The following FAM149A variants were observed in gnomAD, a reference collection of about 807,000 sequenced individuals.
FAM149A encodes the protein protein FAM149A.
Under a neutral mutation model 78.2 loss-of-function variants are expected in FAM149A, and 71 were observed. The ratio of observed to expected loss-of-function variants is 0.91; its 90% CI spans 0.75 to 1.11. The LOEUF is 1.11. FAM149A is among the 50% of genes least tolerant of loss of function. The probability of loss-of-function intolerance (pLI) is 0.00; values close to 1 mark genes in which losing one functional copy is unlikely to be tolerated. For missense variants in FAM149A, 1,036 were observed against 971.0 expected (o/e 1.07, Z -0.89); for synonymous variants, 446 against 410.5 (o/e 1.09, Z -1.04).
intron 3 of FAM149A, chr4:186,150,944 ACTC>A (rs1444695693): frequency 1.5e-6 from 1 of 688,374 alleles, no homozygotes; most frequent in Non-Finnish European, 1.8e-6. Flanking sequence ...CTGGTTTCGA[ACTC>A]CTGACGTTGT....
chr4:186,159,197 A>T (rs1734313577), intron 8 of FAM149A, among the ~76,000 whole-genome samples: 1 of 152,130 alleles, frequency 6.6e-6, no homozygotes, highest in Admixed American at 6.6e-5. Flanking sequence ...TCCTAGTGAT[A>T]CAAAAGCCGT....
chr4:186,169,614 A>G (rs1735363430), intron 13 of FAM149A: 1 of 985,336 alleles, frequency 1.0e-6, no homozygotes, highest in South Asian at 4.7e-5. Context: ...ACGATCTAAT[A>G]GGACATTCAG....
chr4:186,116,456 T>C (rs1422226542), intron 1 of FAM149A: 4 of 984,644 alleles, frequency 4.1e-6, no homozygotes, highest in East Asian at 2.3e-4. Flanking sequence ...ATATGACCAT[T>C]ACTGTCATTA....
chr4:186,130,379 G>A (rs1030890477), intron 1 of FAM149A, among the ~76,000 whole-genome samples: 2 of 149,348 alleles, frequency 1.3e-5, no homozygotes, highest in East Asian at 2.0e-4. Context: ...AACAGTAATT[G>A]TGTATAATTG....
intron 1 of FAM149A, among the ~76,000 whole-genome samples, chr4:186,137,021 A>ACTC (rs1554068550): frequency 3.1e-4 from 29 of 93,766 alleles, no homozygotes; most frequent in East Asian, 4.8e-4. Flanking sequence ...TCTCTCTCTA[A>ACTC]GTGCTTAAAG....
intron 1 of FAM149A, chr4:186,118,158 A>G (rs1274521697): frequency 2.0e-6 from 2 of 985,308 alleles, no homozygotes; most frequent in African/African-American, 1.7e-5. Context: ...GTTGGTGAAC[A>G]CACACAGTGA....
chr4:186,169,354 C>G, intron 13 of FAM149A: 1 of 985,406 alleles, frequency 1.0e-6, no homozygotes. Flanking sequence ...GGCTCAAAGG[C>G]GTGACCTGTG....
At chr4:186,160,175 CCAAA>C (rs1386856103) in intron 8 of FAM149A, among the ~76,000 whole-genome samples, 2 of 143,778 alleles carry the variant, frequency 1.4e-5, no homozygotes, top group South Asian at 2.3e-4. Flanking sequence ...ACACCACACA[CCAAA>C]CACATACCAC....
chr4:186,153,927 T>G (rs748391578), intron 5 of FAM149A, among the ~76,000 whole-genome samples, 157 bp downstream of exon 5: 2 of 152,226 alleles, frequency 1.3e-5, no homozygotes, highest in Admixed American at 1.3e-4. Flanking sequence ...TAAGAAGCTT[T>G]TGATTCTGAA....
chr4:186,160,567 A>C (rs114871367), intron 8 of FAM149A, among the ~76,000 whole-genome samples: 4,561 of 148,668 alleles, frequency 0.031, 112 homozygotes, highest in Non-Finnish European at 0.041. Flanking sequence ...CACACATACC[A>C]CACACACCAC....
At chr4:186,133,295 C>A in intron 1 of FAM149A, 1 of 701,126 alleles carries the variant, frequency 1.4e-6, no homozygotes, top group Non-Finnish European at 1.8e-6. Flanking sequence ...CCACCGCCAT[C>A]CATCTCCAGA....
At chr4:186,169,340 A>G (rs1013736223) in intron 13 of FAM149A, 3 of 985,438 alleles carry the variant, frequency 3.0e-6, no homozygotes, top group Non-Finnish European at 3.6e-6. Context: ...CGTAGAGAGA[A>G]CGCGGCTCAA....
At chr4:186,134,091 G>A (rs1178616795) in intron 1 of FAM149A, among the ~76,000 whole-genome samples, 1 of 152,168 alleles carries the variant, frequency 6.6e-6, no homozygotes, top group Non-Finnish European at 1.5e-5. Flanking sequence ...GTTTCCACCG[G>A]TGATGCACGA....
In FAM149A at chr4:186,144,660, C is replaced by A; in HGVS notation, c.567-4513C>A. On this transcript the variant is annotated intron_variant, in intron 1 of 13. Transcript: ENST00000389354. The surrounding 1 kb of genome is among the most constrained non-coding windows in gnomAD (Gnocchi z 4.2). Reference sequence around the variant, plus strand: ...GGCCGGGCCGTGCGCGGAGGAGTGGCCGCTGGGTTGGAAACCCGGCCCGGC... The same window carrying A: ...GGCCGGGCCGTGCGCGGAGGAGTGGACGCTGGGTTGGAAACCCGGCCCGGC... 3.4e-6 allele frequency: 1 copy of A among 297,400 alleles called. No individual in the cohort carries two copies. The allele number at this position is 297,400 out of a possible 1,614,324, so 18.4% of individuals were successfully genotyped here.
At chr4:186,119,703 A>C (rs2150089281) in intron 1 of FAM149A, among the ~76,000 whole-genome samples, 1 of 152,342 alleles carries the variant, frequency 6.6e-6, no homozygotes, top group African/African-American at 2.4e-5. Flanking sequence ...TGTTCATATC[A>C]GGCTTTTAAA....
intron 8 of FAM149A, among the ~76,000 whole-genome samples, chr4:186,159,991 CT>C (rs1734404088): frequency 1.4e-5 from 2 of 147,370 alleles, no homozygotes; most frequent in Admixed American, 6.7e-5. Context: ...CACACACACA[CT>C]GCACACATCC....
In FAM149A at chr4:186,123,254, A is replaced by T. The variant is rs968140324; in HGVS notation, c.566+17612A>T. The T allele has an allele frequency of 1.4e-5, 14 of 985,342 alleles. No individual in the cohort carries two copies. In the South Asian group the frequency reaches 6.6e-4, roughly 46 times the overall value. The allele number at this position is 985,342 out of a possible 1,614,324, so 61.0% of individuals were successfully genotyped here. On this transcript the variant is annotated intron_variant, in intron 1 of 13. Transcript: ENST00000389354. The stretch of plus-strand genomic sequence containing the variant: ...TTTTGCAAAATATGGCTGTTTGTAT[A>T]GTTTATTTTTGGCAAAGTATGGTTG...
chr4:186,146,396 A>T, intron 1 of FAM149A: 1 of 917,148 alleles, frequency 1.1e-6, no homozygotes, highest in Non-Finnish European at 1.3e-6. Flanking sequence ...GCATCCCAAG[A>T]CCTCCTGGGC....
At chr4:186,142,630 T>C (rs1579853348) in intron 1 of FAM149A, among the ~76,000 whole-genome samples, 1 of 152,148 alleles carries the variant, frequency 6.6e-6, no homozygotes, top group Admixed American at 6.5e-5. Flanking sequence ...AGCTGCCACG[T>C]AGAAATTCCA....
Sources: gnomAD v4.1 joint callset for allele counts (sites outside exome capture counted in the v4.1 genomes callset) on GRCh38, gnomAD v4.1.1 for gene constraint, Gnocchi (gnomAD v3.1) non-coding constraint, MANE v1.5 for transcripts, NCBI Gene and HGNC (gene_info 2026-07-23, HGNC 2026-07-21) for gene names.